The following NT5DC2 variants were observed in gnomAD, a reference collection of about 807,000 sequenced individuals.
The protein encoded by NT5DC2 is 5'-nucleotidase domain-containing protein 2.
Under a neutral mutation model 70.0 loss-of-function variants are expected in NT5DC2, and 41 were observed. The ratio of observed to expected loss-of-function variants is 0.59; its 90% confidence interval spans 0.46 to 0.76. The LOEUF is 0.76. Ranked by LOEUF, NT5DC2 falls within the 30% of genes least tolerant of loss-of-function variation. The probability of loss-of-function intolerance (pLI) is 0.00; values close to 1 mark genes in which losing one functional copy is unlikely to be tolerated. For missense variants in NT5DC2, 705 were observed against 783.2 expected (o/e 0.90, Z 1.19); for synonymous variants, 299 against 310.4 (o/e 0.96, Z 0.39).
chr3:52,533,704 G>A lies in NT5DC2; in HGVS notation c.34C>T (p.Arg12Cys). ...CCGTGGCCTCCGCACAGCAGCCAGC[G>A]CCGAGCGGCCGCCCGCAGCCCCGCA... is the stretch of plus-strand genomic sequence containing the variant. ...AGAGLRAAARRWLLCGGHGGP... is the reference protein window; with the variant it reads ...AGAGLRAAARCWLLCGGHGGP... Residue 12 changes from arginine to cysteine, a missense_variant, in exon 1 of 14, where the codon CGC becomes TGC. Arg to Cys is a radical substitution (Grantham distance 180). Coordinates refer to ENST00000422318, the MANE Select transcript of NT5DC2 (RefSeq NM_001134231.2). 9.8e-7 allele frequency: 1 copy of A among 1,015,802 alleles called. No individual in the cohort carries two copies. Among genetic ancestry groups the A allele is most frequent in the Non-Finnish European group, 1.2e-6 (1 of 851,640 alleles). 62.9% of individuals were successfully genotyped at this position (1,015,802 alleles called of 1,614,324 possible).
chr3:52,533,793 G>GCCCGCCC lies in NT5DC2; in HGVS notation c.-57_-56insGGGCGGG, dbSNP rs1321163260. 3 of 975,884 alleles carry GCCCGCCC rather than the reference G, an allele frequency of 3.1e-6. No individual in the cohort carries two copies. The African/African-American group carries it at 5.4e-5, about 17-fold the overall frequency. The allele number at this position is 975,884 out of a possible 1,614,324, so 60.5% of individuals were successfully genotyped here. A position where few individuals can be genotyped will look rare whatever the true frequency, so the allele number is the denominator to read the frequency against. On this transcript the variant is annotated 5_prime_UTR_variant, in exon 1 of 14. Transcript: ENST00000422318. ...GCCCTCGGCCAGCCCGCCGCCCGCCGCCCGCCGCCCTCCGACTGCGCGCCC... is the reference window on the plus strand; with the variant it reads ...GCCCTCGGCCAGCCCGCCGCCCGCCGCCCGCCCCCCGCCGCCCTCCGACTGCGCGCCC...
chr3:52,527,898 G>C lies in NT5DC2; in HGVS notation c.866C>G (p.Ala289Gly), dbSNP rs574995527. Residue 289 changes from alanine (A) to glycine (G), a missense_variant, in exon 8 of 14, where the codon GCT becomes GGT. Physicochemically the swap from Ala to Gly is moderately conservative, Grantham distance 60 (BLOSUM62 0). Transcript: ENST00000422318. ...ATGGGCCACCAGGCGGCTCAGGACA[G>C]CAAACGTCTCATCCCCTCTCAGGAT... ...KYILRGDETF[A>G]VLSRLVAHGK... is the part of the protein sequence containing the mutation. 1 of 1,613,548 alleles carries C rather than the reference G, an allele frequency of 6.2e-7. No individual in the cohort carries two copies. The highest frequency in any genetic ancestry group is 1.3e-5 in the African/African-American group (1 of 75,064).
chr3:52,527,624 G>C lies in NT5DC2; in HGVS notation c.1030C>G (p.Arg344Gly). Reference sequence around the variant, plus strand: ...CCCCCACCATGCCCATACTTGCGCCGGTCAGTGAAGAAGCTGGGCTTGTCT... The same window carrying C: ...CCCCCACCATGCCCATACTTGCGCCCGTCAGTGAAGAAGCTGGGCTTGTCT... Reference protein sequence around the residue: ...QADKPSFFTDRRKPFRKLDEK... With the variant: ...QADKPSFFTDGRKPFRKLDEK... Residue 344 changes from arginine to glycine, a missense_variant, in exon 9 of 14, where the codon CGG (arginine) becomes GGG (glycine). Transcript: ENST00000422318. 1 of 1,612,836 alleles carries C rather than the reference G, an allele frequency of 6.2e-7. No individual in the cohort carries two copies. Among genetic ancestry groups the C allele is most frequent in the Non-Finnish European group, 8.5e-7 (1 of 1,179,930 alleles).
Position 52,533,691 on chromosome 3 carries a change from C to T in NT5DC2, c.47G>A (p.Cys16Tyr). The change falls in exon 1 of 14, where the codon TGC becomes TAC. Residue 16 changes from cysteine (C) to tyrosine (Y), a missense_variant. By Grantham distance (194) the Cys-to-Tyr change is radical (BLOSUM62 -2). Coordinates refer to ENST00000422318, the MANE Select transcript of NT5DC2 (RefSeq NM_001134231.2). Reference sequence around the variant, plus strand: ...GGCTCGCGGCCCGCCGTGGCCTCCGCACAGCAGCCAGCGCCGAGCGGCCGC... The same window carrying T: ...GGCTCGCGGCCCGCCGTGGCCTCCGTACAGCAGCCAGCGCCGAGCGGCCGC... ...LRAAARRWLL[C>Y]GGHGGPRAAS... is the part of the protein sequence containing the mutation. 3 of 1,073,524 alleles carry T rather than the reference C, an allele frequency of 2.8e-6. No homozygotes were observed. Among genetic ancestry groups the T allele is most frequent in the Non-Finnish European group, 3.4e-6 (3 of 888,328 alleles). 66.5% of individuals were successfully genotyped at this position (1,073,524 alleles called of 1,614,324 possible). A position where few individuals can be genotyped will look rare whatever the true frequency, so the allele number is the denominator to read the frequency against.
intron 10 of NT5DC2, chr3:52,525,563 A>C: frequency 2.1e-6 from 1 of 480,044 alleles, no homozygotes; most frequent in East Asian, 3.9e-5. Context: ...CACGTACCCC[A>C]GGTTAGGGAT....
intron 1 of NT5DC2, among the ~76,000 whole-genome samples, chr3:52,530,296 G>A (rs1208333725): frequency 6.6e-6 from 1 of 152,244 alleles, no homozygotes; most frequent in Non-Finnish European, 1.5e-5. Context: ...ACAGCAGGGT[G>A]CTGAGCAGAG....
chr3:52,530,377 G>A (rs2079343140), intron 1 of NT5DC2, among the ~76,000 whole-genome samples: 1 of 152,136 alleles, frequency 6.6e-6, no homozygotes, highest in Admixed American at 6.5e-5. Flanking sequence ...TACCTGCCCT[G>A]GTTTCCCTAT....
chr3:52,531,767 C>T lies in NT5DC2; in HGVS notation c.232+1739G>A, dbSNP rs566504389. ...CTCAGCCCTAGCTCCCACACCTGCC[C>T]ATGGTGCCAGGTCCCAGGGCCAACT... On this transcript the variant is annotated intron_variant, in intron 1 of 13. Coordinates refer to ENST00000422318, the MANE Select transcript of NT5DC2 (RefSeq NM_001134231.2). The surrounding 1 kb of genome is among the most constrained non-coding windows in gnomAD (Gnocchi z 4.1). Among the ~76,000 whole-genome samples, 1 of 152,198 alleles carries T rather than the reference C, an allele frequency of 6.6e-6. No individual in the cohort carries two copies. Among genetic ancestry groups the T allele is most frequent in the African/African-American group, 2.4e-5 (1 of 41,524 alleles).
chr3:52,528,945 G>A lies in NT5DC2; in HGVS notation c.418-10C>T, dbSNP rs111423621. ...GAATCCCTTCTGGGTACTGCCGGGG[G>A]AAAGGGGCCAGGCCTAAGCCAATAG... On this transcript the variant is annotated splice_polypyrimidine_tract_variant and intron_variant, in intron 2 of 13. Transcript: ENST00000422318. The A allele has an allele frequency of 2.0e-4, 324 of 1,613,914 alleles. 3 individuals are homozygous for A. The highest frequency in any genetic ancestry group is 7.2e-4 in the African/African-American group (54 of 75,040).
chr3:52,524,849 C>CA lies in NT5DC2; in HGVS notation c.1379dup (p.Ala461GlyfsTer44). On this transcript the variant is annotated frameshift_variant, in exon 13 of 14. Coordinates refer to ENST00000422318, the MANE Select transcript of NT5DC2 (RefSeq NM_001134231.2). LOFTEE classifies it high-confidence loss of function. ...CCTGCCGCTCTTTCATCCAGGCAGC[C>CA]AGCACCTGCCTCGACTCCGCGTCCT... 1.2e-6 allele frequency: 2 copies of CA among 1,612,738 alleles called. No homozygotes were observed. The highest frequency in any genetic ancestry group is 2.2e-5 in the South Asian group (2 of 91,078).
Position 52,527,905 on chromosome 3 carries a change from T to TCTCATC in NT5DC2, c.853_858dup (p.Asp285_Glu286dup), listed in dbSNP as rs2079302047. The stretch of plus-strand genomic sequence containing the variant: ...ACCAGGCGGCTCAGGACAGCAAACG[T>TCTCATC]CTCATCCCCTCTCAGGATGTACTTC... On this transcript the variant is annotated inframe_insertion, in exon 8 of 14. Coordinates refer to ENST00000422318, the MANE Select transcript of NT5DC2 (RefSeq NM_001134231.2). 6.2e-7 allele frequency: 1 copy of TCTCATC among 1,613,404 alleles called. No homozygotes were observed. Among genetic ancestry groups the TCTCATC allele is most frequent in the Admixed American group, 1.7e-5 (1 of 59,998 alleles).
At chr3:52,532,542 C>A (rs2079374882) in intron 1 of NT5DC2, 1 of 978,460 alleles carries the variant, frequency 1.0e-6, no homozygotes, top group Admixed American at 6.1e-5. Context: ...CAGTTAGAAT[C>A]TTCCAGACAG....
intron 4 of NT5DC2, 21 bp downstream of exon 4, chr3:52,528,616 G>GGGGGGGGC: frequency 1.5e-6 from 1 of 680,198 alleles, no homozygotes; most frequent in Non-Finnish European, 2.4e-6. Flanking sequence ...CGGGGGTGGG[G>GGGGGGGGC]TTGGGGCAGA....
intron 8 of NT5DC2, 51 bp downstream of exon 8, chr3:52,527,778 C>A: frequency 6.2e-7 from 1 of 1,609,266 alleles, no homozygotes; most frequent in South Asian, 1.1e-5. Flanking sequence ...CTGCCCTCCC[C>A]ACCCAGAGCC....
In NT5DC2 at chr3:52,528,709, G is replaced by A. The variant is rs529726389; in HGVS notation, c.493-17C>T. On this transcript the variant is annotated splice_polypyrimidine_tract_variant and intron_variant, in intron 3 of 13. Transcript: ENST00000422318. ...CAGAAGGCTCTGGGGGCGCCAGGGA[G>A]GCAGGACGGATGGTGAGGAGGCAGT... 3.7e-6 allele frequency: 6 copies of A among 1,605,612 alleles called. No individual in the cohort carries two copies. The highest frequency in any genetic ancestry group is 2.7e-5 in the African/African-American group (2 of 74,902).
chr3:52,525,666 G>C (rs1217218424), intron 10 of NT5DC2: 5 of 213,974 alleles, frequency 2.3e-5, no homozygotes, highest in Non-Finnish European at 4.7e-5. Flanking sequence ...GAGGGACCTG[G>C]CAGACCAATG....
intron 1 of NT5DC2, among the ~76,000 whole-genome samples, chr3:52,533,262 C>T (rs1042750704): frequency 6.6e-5 from 10 of 152,160 alleles, no homozygotes; most frequent in South Asian, 2.1e-4. Context: ...CTCGAGGAGC[C>T]CCGAGCTCCT....
At chr3:52,533,866 C>A, upstream of NT5DC2, 1 of 977,330 alleles carries the variant, frequency 1.0e-6, no homozygotes, top group Non-Finnish European at 1.2e-6. Context: ...ATGGGTGCGG[C>A]GCGCGGAGCC....
rs577577576 is a variant in NT5DC2 at position 52,527,966 on chromosome 3, T to C, written c.833-35A>G. On this transcript the variant is annotated intron_variant, in intron 7 of 13. Coordinates refer to ENST00000422318, the MANE Select transcript of NT5DC2 (RefSeq NM_001134231.2). ...CAGATGAGTCTGTGAGGGTCAGTCC[T>C]GCCACCTGCTCAGGCCGGCCACGGC... The C allele has an allele frequency of 2.5e-6, 4 of 1,613,468 alleles. No homozygotes were observed. The South Asian group carries it at 4.4e-5, about 18-fold the overall frequency.
Sources: allele counts gnomAD v4.1 joint callset (sites outside exome capture counted in the v4.1 genomes callset), GRCh38; gene constraint gnomAD v4.1.1; non-coding constraint Gnocchi (gnomAD v3.1); transcripts MANE v1.5; gene names NCBI Gene and HGNC (gene_info 2026-07-23, HGNC 2026-07-21).